The following SLC39A6 variants were observed in gnomAD, a reference collection of about 807,000 sequenced individuals.
SLC39A6 encodes zinc transporter ZIP6.
In SLC39A6, 51 loss-of-function variants were observed where a neutral mutation model predicts 63.5. That is an observed-to-expected ratio of 0.80 (90% CI 0.64 to 1.01). SLC39A6 has a LOEUF of 1.01. Ranked by LOEUF, SLC39A6 falls within the 50% of genes least tolerant of loss-of-function variation. The pLI, the probability that SLC39A6 is intolerant of heterozygous loss-of-function variation, is 0.00. For missense variants in SLC39A6, 805 were observed against 927.8 expected, an observed-to-expected ratio of 0.87 and a Z score of 1.72; for synonymous variants, 318 against 324.7, an observed-to-expected ratio of 0.98 and a Z score of 0.22.
In SLC39A6 at chr18:36,111,258, G is replaced by GA; in HGVS notation, c.1925-10dup. The GA allele has an allele frequency of 6.2e-7, 1 of 1,601,842 alleles. No individual in the cohort carries two copies. The highest frequency in any genetic ancestry group is 8.5e-7 in the Non-Finnish European group (1 of 1,175,374). On this transcript the variant is annotated splice_polypyrimidine_tract_variant and intron_variant, in intron 8 of 9. Coordinates refer to ENST00000269187, the MANE Select transcript of SLC39A6 (RefSeq NM_012319.4). ...TAGAACAGCAAAGTCACCTTTAACA[G>GA]AAAACAAAAAAGGAGGAAAAAGTCA... is the stretch of plus-strand genomic sequence containing the variant.
intron 2 of SLC39A6, among the ~76,000 whole-genome samples, chr18:36,125,001 T>C (rs897317927): frequency 1.3e-5 from 2 of 152,296 alleles, no homozygotes; most frequent in Admixed American, 6.5e-5. Flanking sequence ...GTTAACTCAC[T>C]GTATAAACGT....
At chr18:36,112,452 C>G (rs1299286130) in intron 8 of SLC39A6, 49 bp downstream of exon 8, 1 of 1,377,344 alleles carries the variant, frequency 7.3e-7, no homozygotes, top group Non-Finnish European at 1.0e-6. Context: ...GCCAGTGACA[C>G]TAGAACATTT....
At chr18:36,123,754 C>A in intron 3 of SLC39A6, 90 bp from the exon 4 acceptor site, 6 of 1,276,190 alleles carry the variant, frequency 4.7e-6, no homozygotes, top group South Asian at 4.7e-5. Flanking sequence ...TAAAGCAACA[C>A]GTAAAAGGAG....
chr18:36,109,801 A>G (rs2089286935), intron 9 of SLC39A6, 56 bp from the exon 10 acceptor site: 1 of 1,475,150 alleles, frequency 6.8e-7, no homozygotes, highest in Admixed American at 2.1e-5. Context: ...AGAACTACAG[A>G]TTAGTTTTTA....
At chr18:36,112,370 G>A (rs1255636690) in intron 8 of SLC39A6, 131 bp downstream of exon 8, 2 of 688,466 alleles carry the variant, frequency 2.9e-6, no homozygotes, top group Non-Finnish European at 5.3e-6. Flanking sequence ...GATGTCATCA[G>A]TATGCTGGTT....
chr18:36,114,797 G>A (rs1409779152), intron 6 of SLC39A6, among the ~76,000 whole-genome samples: 3 of 151,938 alleles, frequency 2.0e-5, no homozygotes, highest in African/African-American at 7.3e-5. Flanking sequence ...AGAAGAACCT[G>A]CTTGTTTTAG....
intron 8 of SLC39A6, among the ~76,000 whole-genome samples, chr18:36,112,254 T>C (rs935822356): frequency 2.6e-5 from 4 of 152,232 alleles, no homozygotes; most frequent in Non-Finnish European, 5.9e-5. Flanking sequence ...ACTCATCCAC[T>C]TCCCTTCAAT....
intron 8 of SLC39A6, among the ~76,000 whole-genome samples, chr18:36,112,045 G>A (rs2089305336): frequency 6.6e-6 from 1 of 152,214 alleles, no homozygotes; most frequent in Admixed American, 6.5e-5. Flanking sequence ...GGGGCTTCAT[G>A]GGACTTGAAT....
intron 8 of SLC39A6, 64 bp from the exon 9 acceptor site, chr18:36,111,313 A>T: frequency 6.7e-7 from 1 of 1,500,392 alleles, no homozygotes; most frequent in Non-Finnish European, 9.0e-7. Context: ...ACACATACCA[A>T]GATACTTCCC....
At chr18:36,116,585 G>A (rs1435253589) in intron 6 of SLC39A6, 89 bp downstream of exon 6, 2 of 850,180 alleles carry the variant, frequency 2.4e-6, no homozygotes, top group South Asian at 1.5e-5. Context: ...CAAGGGACAT[G>A]GTCCCATTTC....
rs772372956 is a variant in SLC39A6, at chr18:36,122,190, C to T, written c.1221G>A (p.Leu407=). Reference sequence around the variant, plus strand: ...CACTTTCTTCTATGTTTTGAGAAGACAGATGACTGAAAAGTGGTCCTCTTT... The same window carrying T: ...CACTTTCTTCTATGTTTTGAGAAGATAGATGACTGAAAAGTGGTCCTCTTT... ...EMKRGPLFSH[L]SSQNIEESAY... The change falls in exon 5 of 10, where the codon CTG becomes CTA. Residue 407 remains leucine, a synonymous_variant. Coordinates refer to ENST00000269187, the MANE Select transcript of SLC39A6 (RefSeq NM_012319.4). The T allele has an allele frequency of 2.5e-6, 4 of 1,613,888 alleles. No homozygotes were observed. The highest frequency in any genetic ancestry group is 2.5e-6 in the Non-Finnish European group (3 of 1,179,916).
chr18:36,120,797 A>T (rs1403624328), intron 5 of SLC39A6, among the ~76,000 whole-genome samples: 1 of 152,158 alleles, frequency 6.6e-6, no homozygotes, highest in African/African-American at 2.4e-5. Flanking sequence ...CTGGTAGGGG[A>T]TACTTAATTC....
In SLC39A6 at chr18:36,115,461, A is replaced by AAACAAC. The variant is rs59445780; in HGVS notation, c.1466-993_1466-988dup. Among the ~76,000 whole-genome samples the AAACAAC allele has an allele frequency of 4.3e-3, 641 of 147,556 alleles. 2 individuals are homozygous for AAACAAC. Among genetic ancestry groups the AAACAAC allele is most frequent in the African/African-American group, 0.015 (586 of 39,482 alleles). ...CGTCTCAAAAAAAAAAAAAAAATTAAAACAACAACAACAACAACAACAACA... is the reference window on the plus strand; with the variant it reads ...CGTCTCAAAAAAAAAAAAAAAATTAAAACAACAACAACAACAACAACAACAACAACA... On this transcript the variant is annotated intron_variant, in intron 6 of 9. Coordinates refer to ENST00000269187, the MANE Select transcript of SLC39A6 (RefSeq NM_012319.4).
rs757044809 is a variant in SLC39A6 at position 36,123,477 on chromosome 18, A to G, written c.1140+18T>C. The G allele has an allele frequency of 2.8e-5, 44 of 1,580,506 alleles. 1 individual carries two copies. The highest frequency in any genetic ancestry group is 1.7e-4 in the Middle Eastern group (1 of 6,006). ...TGTTGAATAATCAAACACTAACAGG[A>G]CAAATTACTATACTTACATGTGGAA... On this transcript the variant is annotated intron_variant, in intron 4 of 9. Transcript: ENST00000269187.
chr18:36,125,335 C>G (rs2089427636), intron 2 of SLC39A6, among the ~76,000 whole-genome samples: 1 of 142,922 alleles, frequency 7.0e-6, no homozygotes, highest in African/African-American at 2.6e-5. Context: ...TGCAATCTCT[C>G]CCCCAGCCAA....
chr18:36,109,887 A>C (rs1289051398), intron 9 of SLC39A6, 142 bp from the exon 10 acceptor site: 1 of 616,642 alleles, frequency 1.6e-6, no homozygotes, highest in African/African-American at 1.9e-5. Flanking sequence ...AAACATGATT[A>C]CATACATACT....
chr18:36,119,350 T>C (rs1169309325), intron 5 of SLC39A6, among the ~76,000 whole-genome samples: 1 of 152,196 alleles, frequency 6.6e-6, no homozygotes, highest in African/African-American at 2.4e-5. Flanking sequence ...TGCTGTTTCA[T>C]GCTCCTTAAA....
At chr18:36,127,910 C>A (rs566240371) in intron 1 of SLC39A6, among the ~76,000 whole-genome samples, 1 of 152,056 alleles carries the variant, frequency 6.6e-6, no homozygotes, top group African/African-American at 2.4e-5. Context: ...CTACGCCCAG[C>A]CTCAAATAAG....
intron 2 of SLC39A6, 70 bp from the exon 3 acceptor site, chr18:36,124,770 C>T (rs778850453): frequency 2.6e-5 from 30 of 1,169,178 alleles, no homozygotes; most frequent in Non-Finnish European, 3.4e-5. Context: ...ACACAATACC[C>T]TTTTTTACTA....
Sources: gnomAD v4.1 joint callset for allele counts (sites outside exome capture counted in the v4.1 genomes callset) on GRCh38, gnomAD v4.1.1 for gene constraint, MANE v1.5 for transcripts, NCBI Gene and HGNC (gene_info 2026-07-23, HGNC 2026-07-21) for gene names.